Variants in ODAD4 observed in about 807,000 individuals in gnomAD.
ODAD4 encodes the protein outer dynein arm-docking complex subunit 4.
ODAD4 carries 49 observed loss-of-function variants against 51.8 expected under a neutral mutation model. That is an observed-to-expected ratio of 0.95 (90% confidence interval 0.75 to 1.20). The LOEUF (loss-of-function observed/expected upper bound fraction) is 1.20. Ranked by LOEUF, ODAD4 falls within the 50% of genes most tolerant of loss-of-function variation. ODAD4 has a pLI of 0.00. For missense variants in ODAD4, 590 were observed against 586.5 expected (o/e 1.01, Z -0.06); for synonymous variants, 235 against 221.3 (o/e 1.06, Z -0.55).
At chr17:41,944,436 ACACACACACCCC>A (rs1180086585) in intron 7 of ODAD4, among the ~76,000 whole-genome samples, 38 of 4,068 alleles carry the variant, frequency 9.3e-3, no homozygotes, top group Middle Eastern at 0.083. Context: ...ACACACACAC[ACACACACACCCC>A]CCCGCATACA....
chr17:41,940,244 T>C (rs545749915), intron 7 of ODAD4, among the ~76,000 whole-genome samples: 20 of 152,272 alleles, frequency 1.3e-4, no homozygotes, highest in African/African-American at 4.1e-4. Context: ...CTCTGCTGTC[T>C]CTCTCCAGCT....
chr17:41,957,588 C>T (rs1402127624), intron 10 of ODAD4, among the ~76,000 whole-genome samples: 1 of 152,068 alleles, frequency 6.6e-6, no homozygotes, highest in Non-Finnish European at 1.5e-5. Context: ...AGTGTGATTT[C>T]CTCATTCTCT....
intron 9 of ODAD4, chr17:41,954,963 C>T (rs1465255769): frequency 5.2e-6 from 3 of 578,948 alleles, no homozygotes; most frequent in Non-Finnish European, 9.6e-6. Flanking sequence ...GCACCACAGT[C>T]CCCTTCTCTC....
intron 11 of ODAD4, among the ~76,000 whole-genome samples, chr17:41,962,324 G>A (rs1245155363): frequency 6.6e-6 from 1 of 152,182 alleles, no homozygotes; most frequent in Admixed American, 6.5e-5. Flanking sequence ...TGCAGAGGCT[G>A]CCTGACAGCT....
chr17:41,943,151 T>A (rs1255057353), intron 7 of ODAD4, among the ~76,000 whole-genome samples: 3 of 152,316 alleles, frequency 2.0e-5, no homozygotes, highest in East Asian at 1.9e-4. Context: ...CAGGATGATG[T>A]TGTTGGAATG....
chr17:41,934,695 T>A (rs990778875), intron 1 of ODAD4, among the ~76,000 whole-genome samples: 2 of 152,210 alleles, frequency 1.3e-5, no homozygotes, highest in African/African-American at 4.8e-5. Flanking sequence ...TAGTGATTAG[T>A]TCTTGATTAG....
chr17:41,959,700 C>T (rs1458277221), intron 10 of ODAD4, among the ~76,000 whole-genome samples: 10 of 152,002 alleles, frequency 6.6e-5, no homozygotes, highest in Admixed American at 1.3e-4. Context: ...TTCCCGGTGG[C>T]GGGGGATGGT....
intron 1 of ODAD4, 26 bp from the exon 2 acceptor site, chr17:41,935,191 G>A (rs782050846): frequency 1.5e-5 from 25 of 1,613,350 alleles, no homozygotes; most frequent in Non-Finnish European, 2.1e-5. Flanking sequence ...CATGCTGGCT[G>A]TCAACCTGAC....
chr17:41,945,343 CAAAAAA>C, intron 8 of ODAD4, 121 bp downstream of exon 8: 34 of 438,838 alleles, frequency 7.7e-5, no homozygotes, highest in East Asian at 1.9e-4. Context: ...TCCCTCTCTA[CAAAAAA>C]AAAAAAAAAA....
At chr17:41,931,921 G>GTTGTT (rs1429440072) in intron 1 of ODAD4, among the ~76,000 whole-genome samples, 1 of 151,654 alleles carries the variant, frequency 6.6e-6, no homozygotes, top group African/African-American at 2.4e-5. Flanking sequence ...TGTTGTTGTT[G>GTTGTT]TTGTTGTTGT....
In ODAD4 at chr17:41,939,080, G is replaced by A. The variant is rs896457635; in HGVS notation, c.966G>A (p.Leu322=). 6.2e-7 allele frequency: 1 copy of A among 1,613,876 alleles called. No homozygotes were observed. The highest frequency in any genetic ancestry group is 1.3e-5 in the African/African-American group (1 of 74,936). ...VPNKDELVGN[L]YSCIGNAQIE... is the part of the protein sequence containing the mutation. ...ACAAGGATGAACTGGTTGGAAACTT[G>A]TATAGCTGCATAGGGAATGCCCAGA... Residue 322 remains leucine (L), a synonymous_variant, in exon 7 of 12, where the codon TTG becomes TTA. Transcript: ENST00000377540.
chr17:41,962,191 G>A (rs1308017915), intron 11 of ODAD4, among the ~76,000 whole-genome samples: 1 of 152,128 alleles, frequency 6.6e-6, no homozygotes, highest in African/African-American at 2.4e-5. Flanking sequence ...GGGAGGCTGA[G>A]TGAGGTGAGT....
chr17:41,954,361 A>G (rs1285976977), intron 9 of ODAD4, among the ~76,000 whole-genome samples: 1 of 152,054 alleles, frequency 6.6e-6, no homozygotes, highest in Non-Finnish European at 1.5e-5. Flanking sequence ...CAATCTGCTA[A>G]TCATTTCAGT....
At chr17:41,964,871 G>A in intron 11 of ODAD4, 122 bp from the exon 12 acceptor site, 1 of 594,872 alleles carries the variant, frequency 1.7e-6, no homozygotes, top group Non-Finnish European at 3.0e-6. Flanking sequence ...TGGAACTCCT[G>A]GCCTCAAGGG....
Position 41,936,875 on chromosome 17 carries a change from G to C in ODAD4, c.573G>C (p.Leu191=), listed in dbSNP as rs555250097. 22 of 1,613,968 alleles carry C rather than the reference G, an allele frequency of 1.4e-5. No homozygotes were observed. The highest frequency in any genetic ancestry group is 2.2e-5 in the South Asian group (2 of 91,080). ...GTGAGAAGACTGTCCGCCAGCTTCT[G>C]GGGGAGCTCTACGTGGACAAAGAGT... ...LKSEKTVRQL[L]GELYVDKEYL... is the part of the protein sequence containing the mutation. The change falls in exon 5 of 12, where the codon CTG becomes CTC. Residue 191 remains leucine, a synonymous_variant. Transcript: ENST00000377540.
rs562095573 is a variant in ODAD4, at chr17:41,930,823, C to G, written c.100C>G (p.Gln34Glu). The change falls in exon 1 of 12, where the codon CAG (glutamine) becomes GAG (glutamate). Residue 34 changes from glutamine (Q) to glutamate (E), a missense_variant. Coordinates refer to ENST00000377540, the MANE Select transcript of ODAD4 (RefSeq NM_031421.5). The part of the protein sequence containing the change: ...YLCGEFSKAA[Q>E]SFSNALYLQD... ...GTGCGGGGAATTTTCTAAAGCCGCG[C>G]AGAGCTTCAGCAACGTGAGTCGAGC... 7.6e-6 allele frequency: 12 copies of G among 1,580,732 alleles called. No individual in the cohort carries two copies. Among genetic ancestry groups the G allele is most frequent in the Non-Finnish European group, 1.0e-5 (12 of 1,163,142 alleles).
Position 41,936,767 on chromosome 17 carries a change from A to G in ODAD4, c.465A>G (p.Ile155Met), listed in dbSNP as rs1257089540. ...LSFLSKQAEN[I>M]KAQQKPQPMK... is the part of the protein sequence containing the mutation. ...GTGTTGCTCCATTTTCTCAGAATAT[A>G]AAAGCCCAGCAGAAGCCTCAGCCCA... Residue 155 changes from isoleucine to methionine, a missense_variant, in exon 5 of 12, where the codon ATA (isoleucine) becomes ATG (methionine). By Grantham distance (10) the Ile-to-Met change is conservative. Around this residue, in one of 3 missense-constraint regions of ODAD4, gnomAD observed 360 missense variants for 407.5 expected, o/e 0.88. Transcript: ENST00000377540. 6.2e-7 allele frequency: 1 copy of G among 1,613,778 alleles called. No individual in the cohort carries two copies. The highest frequency in any genetic ancestry group is 8.5e-7 in the Non-Finnish European group (1 of 1,179,850).
chr17:41,937,429 A>T (rs1850482601), intron 5 of ODAD4, among the ~76,000 whole-genome samples: 1 of 152,226 alleles, frequency 6.6e-6, no homozygotes, highest in Admixed American at 6.5e-5. Context: ...AAACAAGTTC[A>T]TGGTGGAGTC....
chr17:41,963,574 G>C (rs1555642064), intron 11 of ODAD4, among the ~76,000 whole-genome samples: 1 of 151,998 alleles, frequency 6.6e-6, no homozygotes, highest in African/African-American at 2.4e-5. Flanking sequence ...GGGTCAGACT[G>C]TCCTGGGTTC....
Sources: gnomAD v4.1 joint callset for allele counts (sites outside exome capture counted in the v4.1 genomes callset) on GRCh38, gnomAD v4.1.1 for gene constraint, gnomAD v4.1.1 regional missense constraint, MANE v1.5 for transcripts, NCBI Gene and HGNC (gene_info 2026-07-23, HGNC 2026-07-21) for gene names.